KIF7: variants seen among roughly 807,000 people sequenced by gnomAD.
The protein encoded by KIF7 is kinesin-like protein KIF7.
A neutral mutation model predicts 135.7 loss-of-function variants in KIF7; 104 were observed. The ratio of observed to expected loss-of-function variants is 0.77; its 90% CI spans 0.65 to 0.90. The LOEUF (loss-of-function observed/expected upper bound fraction) is 0.90, where lower values mean the gene tolerates loss of function less well. Ranked by LOEUF, KIF7 falls within the 40% of genes least tolerant of loss-of-function variation. The probability of loss-of-function intolerance (pLI) is 0.00; values close to 1 mark genes in which losing one functional copy is unlikely to be tolerated. For synonymous variants in KIF7, 883 were observed against 809.4 expected (o/e 1.09, Z -1.54); for missense variants, 2,005 against 1,839.1 (o/e 1.09, Z -1.65).
At chr15:89,658,866 A>AAAT (rs748666194), upstream of KIF7, among the ~76,000 whole-genome samples, 18 of 151,964 alleles carry the variant, frequency 1.2e-4, no homozygotes, top group South Asian at 8.3e-4. Context: ...CCTGTCTCAA[A>AAAT]AATAATAATA....
At position 89,628,502 on chromosome 15, in the gene KIF7, T is replaced by A; in HGVS notation, c.3949A>T (p.Asn1317Tyr). 6.2e-7 allele frequency: 1 copy of A among 1,612,782 alleles called. No homozygotes were observed. The highest frequency in any genetic ancestry group is 8.5e-7 in the Non-Finnish European group (1 of 1,179,802). ...CGGGGCTTGGACAAAGGCCCAAAGT[T>A]CCAGGGCAGGCCTGCCTCACCCACA... is the stretch of plus-strand genomic sequence containing the variant. Reference protein sequence around the residue: ...LPVGEAGLPWNFGPLSKPRRE... With the variant: ...LPVGEAGLPWYFGPLSKPRRE... Residue 1317 changes from asparagine (N) to tyrosine (Y), a missense_variant, in exon 19 of 19, where the codon AAC (asparagine) becomes TAC (tyrosine). By Grantham distance (143) the Asn-to-Tyr change is moderately radical (BLOSUM62 -2). Coordinates refer to ENST00000394412, the MANE Select transcript of KIF7 (RefSeq NM_198525.3).
Position 89,645,895 on chromosome 15 carries a change from G to C in KIF7, c.1920C>G (p.Arg640=). 1 of 1,613,292 alleles carries C rather than the reference G, an allele frequency of 6.2e-7. No homozygotes were observed. Among genetic ancestry groups the C allele is most frequent in the South Asian group, 1.1e-5 (1 of 91,074 alleles). The part of the protein sequence containing the change: ...EEPPRRTLHL[R]RNRISNCSQR... ...TGGGGGCAGTGGGTCCCACTCACCT[G>C]CGCAGGTGTAAGGTCCGCCTGGGCG... Residue 640 remains arginine, a splice_region_variant and synonymous_variant, in exon 8 of 19, where the codon CGC becomes CGG. Coordinates refer to ENST00000394412, the MANE Select transcript of KIF7 (RefSeq NM_198525.3).
At chr15:89,623,789 C>T, downstream of KIF7, 1 of 1,613,978 alleles carries the variant, frequency 6.2e-7, no homozygotes, top group Non-Finnish European at 8.5e-7. Context: ...TTAAAAGACT[C>T]CTCCTCACCC....
intron 10 of KIF7, among the ~76,000 whole-genome samples, chr15:89,643,755 C>T (rs747841014): frequency 2.0e-5 from 3 of 152,060 alleles, no homozygotes; most frequent in Non-Finnish European, 4.4e-5. Context: ...TGTGTTGGCA[C>T]ACGCCTGTAG....
At chr15:89,644,279 A>G (rs1197490640) in intron 10 of KIF7, among the ~76,000 whole-genome samples, 1 of 152,152 alleles carries the variant, frequency 6.6e-6, no homozygotes, top group Middle Eastern at 3.2e-3. Context: ...GGCATAACAC[A>G]ATTTGGAGAC....
intron 10 of KIF7, among the ~76,000 whole-genome samples, chr15:89,643,014 A>G (rs967531804): frequency 4.6e-5 from 7 of 152,252 alleles, no homozygotes; most frequent in Admixed American, 4.6e-4. Context: ...TTTCATTTCC[A>G]GGAAATCTGG....
chr15:89,659,807 TACAC>T (rs1287360223), upstream of KIF7, among the ~76,000 whole-genome samples: 1 of 152,254 alleles, frequency 6.6e-6, no homozygotes, highest in Non-Finnish European at 1.5e-5. Context: ...TAGTTAATGA[TACAC>T]ACACTTTATC....
At chr15:89,622,742 G>C (rs1963447439) in intron 1 of KIF7, among the ~76,000 whole-genome samples, 1 of 152,134 alleles carries the variant, frequency 6.6e-6, no homozygotes, top group South Asian at 2.1e-4. Context: ...GTGCCATCCT[G>C]CACAGCCACT....
At chr15:89,626,992 ACT>A (rs751002886), downstream of KIF7, 10 of 1,613,486 alleles carry the variant, frequency 6.2e-6, no homozygotes, top group Non-Finnish European at 7.6e-6. Context: ...ACTGTAGAAG[ACT>A]CTCCTTTCAG....
At chr15:89,653,792 T>C (rs1305226606) in intron 1 of KIF7, among the ~76,000 whole-genome samples, 1 of 149,380 alleles carries the variant, frequency 6.7e-6, no homozygotes, top group Non-Finnish European at 1.5e-5. Context: ...TAGTATTTTG[T>C]AGAGACAGTC....
intron 15 of KIF7, 58 bp from the exon 16 acceptor site, chr15:89,630,551 G>A: frequency 7.1e-7 from 1 of 1,405,610 alleles, no homozygotes; most frequent in Non-Finnish European, 9.8e-7. Flanking sequence ...CTGAAGTCCT[G>A]GGCAGACATG....
At chr15:89,648,137 A>G (rs2142027590) in intron 5 of KIF7, 118 bp downstream of exon 5, 1 of 1,346,234 alleles carries the variant, frequency 7.4e-7, no homozygotes, top group African/African-American at 1.5e-5. Context: ...CCGAATCCCG[A>G]ACGTGCCCTG....
downstream of KIF7, chr15:89,625,530 CGAG>C (rs1161439897): frequency 1.2e-6 from 2 of 1,613,416 alleles, no homozygotes; most frequent in Admixed American, 3.3e-5. Context: ...ATTTTGAGCT[CGAG>C]GGAGTGTGCC....
intron 11 of KIF7, 37 bp downstream of exon 11, chr15:89,642,166 T>C: frequency 6.3e-7 from 1 of 1,594,904 alleles, no homozygotes; most frequent in Non-Finnish European, 8.6e-7. Flanking sequence ...GAGGCAGGAG[T>C]CACCCCAGCA....
intron 1 of KIF7, among the ~76,000 whole-genome samples, chr15:89,622,483 C>T (rs185156688): frequency 5.9e-5 from 9 of 152,308 alleles, no homozygotes; most frequent in Admixed American, 2.6e-4. Context: ...ATAGACTCCC[C>T]GTCCGCTAAA....
chr15:89,644,205 C>T (rs577985760), intron 10 of KIF7, among the ~76,000 whole-genome samples: 12 of 152,184 alleles, frequency 7.9e-5, no homozygotes, highest in South Asian at 6.2e-4. Context: ...AAAATATAAA[C>T]GCTCCACTGG....
chr15:89,633,614 G>A, intron 12 of KIF7, 72 bp downstream of exon 12: 1 of 1,532,626 alleles, frequency 6.5e-7, no homozygotes, highest in Non-Finnish European at 8.8e-7. Context: ...CCCTGCCTGG[G>A]CTCCCCTGGC....
intron 11 of KIF7, among the ~76,000 whole-genome samples, chr15:89,640,490 C>A (rs554679946): frequency 6.6e-6 from 1 of 152,038 alleles, no homozygotes; most frequent in Non-Finnish European, 1.5e-5. Context: ...ACTTGACCAA[C>A]GACACATAGC....
At chr15:89,649,514 T>A (rs1721949193) in intron 3 of KIF7, 147 bp from the exon 4 acceptor site, 2 of 1,097,258 alleles carry the variant, frequency 1.8e-6, no homozygotes, top group South Asian at 3.4e-5. Flanking sequence ...CCTTCCTAGT[T>A]CCGGCTTGAG....
Sources: allele counts gnomAD v4.1 joint callset (sites outside exome capture counted in the v4.1 genomes callset), GRCh38; gene constraint gnomAD v4.1.1; transcripts MANE v1.5; gene names NCBI Gene and HGNC (gene_info 2026-07-23, HGNC 2026-07-21).